MELK: variants seen among roughly 807,000 people sequenced by gnomAD.
The protein encoded by MELK is maternal embryonic leucine zipper kinase, also known as pEg3 kinase.
A neutral mutation model predicts 85.0 loss-of-function variants in MELK; 81 were observed. The ratio of observed to expected loss-of-function variants is 0.95; its 90% confidence interval spans 0.80 to 1.15. MELK has a LOEUF of 1.15. MELK is among the 50% of genes most tolerant of loss of function. The pLI is 0.00. For missense variants in MELK, 754 were observed against 777.5 expected, an observed-to-expected ratio of 0.97 and a Z score of 0.36; for synonymous variants, 252 against 265.0, an observed-to-expected ratio of 0.95 and a Z score of 0.48.
At chr9:36,621,275 G>GAAAAAACAAAAA (rs1827384736) in intron 8 of MELK, among the ~76,000 whole-genome samples, 1 of 32,420 alleles carries the variant, frequency 3.1e-5, no homozygotes, top group Admixed American at 5.1e-4. Flanking sequence ...CTGTCTCAGG[G>GAAAAAACAAAAA]AAAAAAAAAA....
chr9:36,654,569 T>C (rs1831044848), intron 12 of MELK, among the ~76,000 whole-genome samples: 1 of 151,930 alleles, frequency 6.6e-6, no homozygotes, highest in Non-Finnish European at 1.5e-5. Flanking sequence ...TTGGTCAGGC[T>C]GGTCTCGAAC....
chr9:36,657,131 C>G, intron 12 of MELK, 110 bp from the exon 13 acceptor site: 4 of 1,256,556 alleles, frequency 3.2e-6, no homozygotes, highest in Non-Finnish European at 3.3e-6. Flanking sequence ...ATAAAATTGC[C>G]TAATACATTT....
intron 12 of MELK, among the ~76,000 whole-genome samples, chr9:36,652,275 G>C (rs1304657884): frequency 6.6e-6 from 1 of 150,676 alleles, no homozygotes; most frequent in Non-Finnish European, 1.5e-5. Flanking sequence ...TCAAACTCCT[G>C]ACCTCAAGTG....
At chr9:36,580,975 G>T in intron 1 of MELK, among the ~76,000 whole-genome samples, 1 of 150,878 alleles carries the variant, frequency 6.6e-6, no homozygotes, top group East Asian at 2.0e-4. Context: ...TGATCTGCCT[G>T]CCTTGGCCTC....
chr9:36,673,568 C>T (rs368739072), intron 16 of MELK, among the ~76,000 whole-genome samples: 1 of 152,036 alleles, frequency 6.6e-6, no homozygotes, highest in African/African-American at 2.4e-5. Flanking sequence ...AGCTGGGATG[C>T]GTGCTACCAC....
rs1157461127 is a variant in MELK, at chr9:36,581,722, A to G, written c.41A>G (p.His14Arg). ...GAACTTCTCAAATATTATGAATTAC[A>G]TGAAACTATTGGGACAGGTAATTGT... The part of the protein sequence containing the change: ...YDELLKYYEL[H>R]ETIGTGGFAK... Residue 14 changes from histidine (H) to arginine (R), a missense_variant, in exon 2 of 18, where the codon CAT (histidine) becomes CGT (arginine). Physicochemically the swap from His to Arg is conservative, Grantham distance 29. Coordinates refer to ENST00000298048, the MANE Select transcript of MELK (RefSeq NM_014791.4). 1.3e-6 allele frequency: 2 copies of G among 1,596,286 alleles called. No homozygotes were observed. The highest frequency in any genetic ancestry group is 1.1e-5 in the South Asian group (1 of 90,528).
At chr9:36,617,647 A>G (rs922377669) in intron 8 of MELK, among the ~76,000 whole-genome samples, 2 of 152,134 alleles carry the variant, frequency 1.3e-5, no homozygotes, top group African/African-American at 4.8e-5. Context: ...CATATTTGGA[A>G]GGGCTTTTTG....
intron 11 of MELK, among the ~76,000 whole-genome samples, chr9:36,644,252 T>TGTGTGTGTGTGTG (rs1830032419): frequency 7.3e-6 from 1 of 137,730 alleles, no homozygotes; most frequent in African/African-American, 2.7e-5. Context: ...TGTGTGTGTG[T>TGTGTGTGTGTGTG]TTTAAGAGAT....
chr9:36,676,168 C>A (rs2138312841), intron 17 of MELK, among the ~76,000 whole-genome samples: 1 of 151,896 alleles, frequency 6.6e-6, no homozygotes, highest in Admixed American at 6.6e-5. Flanking sequence ...ATGTTGACTG[C>A]TTATTTTTGA....
At chr9:36,624,124 C>G (rs1037475708) in intron 8 of MELK, among the ~76,000 whole-genome samples, 2 of 148,696 alleles carry the variant, frequency 1.3e-5, no homozygotes, top group Non-Finnish European at 3.0e-5. Flanking sequence ...CGCTCTGTCG[C>G]CCAGGCTGGA....
rs143909394 is a variant in MELK at position 36,586,349 on chromosome 9, A to G, written c.144+2637A>G. 3.9e-4 allele frequency among the ~76,000 whole-genome samples: 60 copies of G among 152,230 alleles called. No individual in the cohort carries two copies. The East Asian group carries it at 0.01, about 26-fold the overall frequency. On this transcript the variant is annotated intron_variant, in intron 3 of 17. Coordinates refer to ENST00000298048, the MANE Select transcript of MELK (RefSeq NM_014791.4). ...AGAACAAGACCCTGTCTCCAGAAAA[A>G]AAAAAAAAAAGTCAAAGAGTATGTA...
intron 8 of MELK, among the ~76,000 whole-genome samples, chr9:36,619,769 G>C (rs1377600695): frequency 6.6e-6 from 1 of 152,160 alleles, no homozygotes; most frequent in Non-Finnish European, 1.5e-5. Context: ...AATCTCTTCT[G>C]TCTAGAGCAT....
chr9:36,624,324 A>G (rs1396642339), intron 8 of MELK, among the ~76,000 whole-genome samples: 1 of 152,220 alleles, frequency 6.6e-6, no homozygotes, highest in Non-Finnish European at 1.5e-5. Flanking sequence ...GTATAAGGTC[A>G]TACAGCTAGT....
chr9:36,617,577 C>T (rs1826966937), intron 8 of MELK, among the ~76,000 whole-genome samples: 1 of 152,128 alleles, frequency 6.6e-6, no homozygotes, highest in Admixed American at 6.5e-5. Context: ...ACCTTGGCCT[C>T]TCAAAATGTT....
intron 13 of MELK, among the ~76,000 whole-genome samples, chr9:36,658,259 C>T (rs951065020): frequency 4.6e-5 from 7 of 152,028 alleles, no homozygotes; most frequent in Non-Finnish European, 1.0e-4. Flanking sequence ...TCTTCTGGTA[C>T]TCCCCTTCCA....
intron 8 of MELK, among the ~76,000 whole-genome samples, chr9:36,611,359 T>C (rs960328057): frequency 5.9e-5 from 9 of 152,186 alleles, no homozygotes; most frequent in Non-Finnish European, 1.3e-4. Context: ...GAAATCATGT[T>C]TTCTGACCCT....
At chr9:36,662,689 A>G (rs1463367296) in intron 13 of MELK, among the ~76,000 whole-genome samples, 1 of 152,196 alleles carries the variant, frequency 6.6e-6, no homozygotes, top group Non-Finnish European at 1.5e-5. Flanking sequence ...TGAAATATTT[A>G]TGGATTCACA....
chr9:36,630,398 A>T, intron 9 of MELK, 31 bp downstream of exon 9: 1 of 1,538,794 alleles, frequency 6.5e-7, no homozygotes, highest in Non-Finnish European at 8.9e-7. Flanking sequence ...ATAGAAGTCT[A>T]TTGTAATTGT....
chr9:36,657,817 A>G (rs1407532441), intron 13 of MELK, among the ~76,000 whole-genome samples: 1 of 152,208 alleles, frequency 6.6e-6, no homozygotes. Flanking sequence ...TCCTGACCTC[A>G]GGTGATCCAC....
Sources: allele counts gnomAD v4.1 joint callset (sites outside exome capture counted in the v4.1 genomes callset), GRCh38; gene constraint gnomAD v4.1.1; transcripts MANE v1.5; gene names NCBI Gene and HGNC (gene_info 2026-07-23, HGNC 2026-07-21).